The following FDFT1 variants were observed in gnomAD, a reference collection of about 807,000 sequenced individuals.
FDFT1 encodes the protein squalene synthase.
In FDFT1, 68 loss-of-function variants were observed where a neutral mutation model predicts 46.8. That is an observed-to-expected ratio of 1.45 (90% confidence interval 1.19 to 1.78). The LOEUF (loss-of-function observed/expected upper bound fraction) is 1.78, where lower values mean the gene tolerates loss of function less well. Among genes scored for constraint, FDFT1 ranks in the 40% most tolerant of loss-of-function variants. The pLI, the probability that FDFT1 is intolerant of heterozygous loss-of-function variation, is 0.00. For missense variants in FDFT1, 928 were observed against 524.4 expected (o/e 1.77, Z -7.52); for synonymous variants, 351 against 185.1 (o/e 1.90, Z -7.28).
chr8:11,835,133 C>G (rs980102154), intron 7 of FDFT1, among the ~76,000 whole-genome samples: 1 of 152,186 alleles, frequency 6.6e-6, no homozygotes, highest in Admixed American at 6.5e-5. Context: ...TCAAACCCCT[C>G]AAGTATTTGG....
Position 11,809,850 on chromosome 8 carries a change from G to A in FDFT1, c.381G>A (p.Thr127=), listed in dbSNP as rs779973416. 4 of 1,609,910 alleles carry A rather than the reference G, an allele frequency of 2.5e-6. No individual in the cohort carries two copies. The highest frequency in any genetic ancestry group is 1.7e-5 in the Admixed American group (1 of 59,726). The change falls in exon 3 of 8, where the codon ACG becomes ACA. Residue 127 remains threonine, a splice_region_variant and synonymous_variant. Coordinates refer to ENST00000220584, the MANE Select transcript of FDFT1 (RefSeq NM_004462.5). ...GCCAGGTGCTGGAGGACTTCCCAACGGTGAGTGGGGTTACGCATCTTGTCT... is the reference window on the plus strand; with the variant it reads ...GCCAGGTGCTGGAGGACTTCCCAACAGTGAGTGGGGTTACGCATCTTGTCT... ...KDRQVLEDFP[T]ISLEFRNLAE...
chr8:11,811,230 G>A (rs960416173), intron 3 of FDFT1, among the ~76,000 whole-genome samples: 1 of 152,174 alleles, frequency 6.6e-6, no homozygotes, highest in African/African-American at 2.4e-5. Flanking sequence ...TCCTTTGATG[G>A]GAAATCTGTG....
chr8:11,823,492 C>G (rs1809538140), intron 4 of FDFT1, among the ~76,000 whole-genome samples: 1 of 151,988 alleles, frequency 6.6e-6, no homozygotes, highest in South Asian at 2.1e-4. Context: ...TACTTTTGTC[C>G]CAGAACAAAT....
chr8:11,826,321 C>A (rs1809984478), intron 5 of FDFT1, 106 bp downstream of exon 5: 1 of 790,566 alleles, frequency 1.3e-6, no homozygotes, highest in Non-Finnish European at 2.0e-6. Context: ...AGGCCTCCCC[C>A]AGGCAGCATA....
Position 11,831,645 on chromosome 8 carries a change from C to G in FDFT1, c.1007C>G (p.Ala336Gly). Reference sequence around the variant, plus strand: ...GCCACCAATATGCCAGCTGTCAAAGCCATCATATATCAGTATATGGAAGAG... The same window carrying G: ...GCCACCAATATGCCAGCTGTCAAAGGCATCATATATCAGTATATGGAAGAG... ...MDATNMPAVK[A>G]IIYQYMEEIY... is the part of the protein sequence containing the mutation. The change falls in exon 7 of 8, where the codon GCC becomes GGC. Residue 336 changes from alanine to glycine, a missense_variant. By Grantham distance (60) the Ala-to-Gly change is moderately conservative. Transcript: ENST00000220584. 6.2e-7 allele frequency: 1 copy of G among 1,613,910 alleles called. No individual in the cohort carries two copies. Among genetic ancestry groups the G allele is most frequent in the Non-Finnish European group, 8.5e-7 (1 of 1,179,790 alleles).
At chr8:11,832,796 A>G (rs1586003070) in intron 7 of FDFT1, among the ~76,000 whole-genome samples, 1 of 152,056 alleles carries the variant, frequency 6.6e-6, no homozygotes, top group South Asian at 2.1e-4. Flanking sequence ...CCTGTTGAGA[A>G]TGAAACACTG....
chr8:11,810,846 G>C (rs1807614603), intron 3 of FDFT1, among the ~76,000 whole-genome samples: 1 of 149,078 alleles, frequency 6.7e-6, no homozygotes, highest in African/African-American at 2.5e-5. Context: ...CTAATCTGTA[G>C]CTGAGTTGGG....
chr8:11,837,686 C>G (rs1334796958), intron 7 of FDFT1, among the ~76,000 whole-genome samples: 2 of 152,066 alleles, frequency 1.3e-5, no homozygotes, highest in African/African-American at 2.4e-5. Flanking sequence ...ACTGAGGCAT[C>G]AAGCAGAGGT....
At chr8:11,822,571 T>G (rs1428014996) in intron 4 of FDFT1, among the ~76,000 whole-genome samples, 1 of 152,198 alleles carries the variant, frequency 6.6e-6, no homozygotes, top group East Asian at 1.9e-4. Flanking sequence ...CTCAGCACTT[T>G]GGGAGGCTGA....
Position 11,830,347 on chromosome 8 carries a change from A to G in FDFT1, c.806A>G (p.His269Arg), listed in dbSNP as rs1375983554. 1.2e-6 allele frequency: 2 copies of G among 1,613,898 alleles called. No individual in the cohort carries two copies. The highest frequency in any genetic ancestry group is 1.7e-6 in the Non-Finnish European group (2 of 1,179,794). The change falls in exon 6 of 8, where the codon CAC (histidine) becomes CGC (arginine). Residue 269 changes from histidine (H) to arginine (R), a missense_variant. Coordinates refer to ENST00000220584, the MANE Select transcript of FDFT1 (RefSeq NM_004462.5). ...LNELITNALH[H>R]IPDVITYLSR... ...GAACTTATAACCAATGCACTGCACC[A>G]CATCCCAGATGTCATCACCTACCTT...
At chr8:11,831,755 G>C (rs892273920) in intron 7 of FDFT1, 85 bp downstream of exon 7, 1 of 1,121,518 alleles carries the variant, frequency 8.9e-7, no homozygotes, top group Admixed American at 1.7e-5. Flanking sequence ...TTGGATATTA[G>C]ATGATCCTAA....
At chr8:11,810,693 A>T (rs566969407) in intron 3 of FDFT1, among the ~76,000 whole-genome samples, 1 of 152,178 alleles carries the variant, frequency 6.6e-6, no homozygotes, top group Non-Finnish European at 1.5e-5. Context: ...ATGTCTTATC[A>T]CACAAATAAC....
upstream of FDFT1, among the ~76,000 whole-genome samples, chr8:11,799,283 C>T (rs1234248856): frequency 6.6e-6 from 1 of 152,194 alleles, no homozygotes; most frequent in Non-Finnish European, 1.5e-5. Context: ...CCAGTCAAAG[C>T]TGTAGTTATG....
intron 2 of FDFT1, 140 bp from the exon 3 acceptor site, chr8:11,809,527 T>A: frequency 7.7e-7 from 1 of 1,303,858 alleles, no homozygotes; most frequent in Non-Finnish European, 1.0e-6. Context: ...TCGTTAAGTA[T>A]GAAAAGCGTT....
At chr8:11,803,214 C>A in intron 1 of FDFT1, 1 of 1,399,178 alleles carries the variant, frequency 7.1e-7, no homozygotes, top group Non-Finnish European at 9.4e-7. Context: ...CCGTGAGCAT[C>A]GGCGCTTACC....
chr8:11,818,177 G>A (rs906691609), intron 3 of FDFT1, among the ~76,000 whole-genome samples: 1 of 152,206 alleles, frequency 6.6e-6, no homozygotes, highest in Non-Finnish European at 1.5e-5. Flanking sequence ...GGTTTTGAGT[G>A]AGTTTATTAA....
intron 3 of FDFT1, among the ~76,000 whole-genome samples, chr8:11,810,775 C>G (rs578161480): frequency 6.6e-6 from 1 of 151,792 alleles, no homozygotes. Flanking sequence ...CTCGAAGAAG[C>G]CCTTTTTGTC....
intron 7 of FDFT1, among the ~76,000 whole-genome samples, chr8:11,835,351 T>C (rs1238002223): frequency 6.6e-6 from 1 of 152,342 alleles, no homozygotes; most frequent in Admixed American, 6.5e-5. Context: ...TTACCGGCTC[T>C]GTTTTAGGTA....
At chr8:11,819,860 C>G (rs1808978688) in intron 3 of FDFT1, among the ~76,000 whole-genome samples, 1 of 152,076 alleles carries the variant, frequency 6.6e-6, no homozygotes, top group South Asian at 2.1e-4. Flanking sequence ...ACTCGTTAAA[C>G]TCATTGTCCA....
Sources: allele counts gnomAD v4.1 joint callset (sites outside exome capture counted in the v4.1 genomes callset), GRCh38; gene constraint gnomAD v4.1.1; transcripts MANE v1.5; gene names NCBI Gene and HGNC (gene_info 2026-07-23, HGNC 2026-07-21).